Variants in JAG1 observed in about 807,000 individuals in gnomAD.
JAG1 encodes jagged canonical Notch ligand 1.
JAG1 carries 23 observed loss-of-function variants against 148.7 expected under a neutral mutation model. The ratio of observed to expected loss-of-function variants is 0.15; its 90% CI spans 0.11 to 0.22. The LOEUF (loss-of-function observed/expected upper bound fraction) is 0.22. Among genes scored for constraint, JAG1 ranks in the 10% least tolerant of loss-of-function variants. JAG1 has a pLI of 1.00. For synonymous variants in JAG1, 572 were observed against 598.3 expected (o/e 0.96, Z 0.64); for missense variants, 1,054 against 1,611.2 (o/e 0.65, Z 5.92).
At chr20:10,656,347 C>A (rs34742789) in intron 5 of JAG1, 51 bp downstream of exon 5, 1 of 1,438,732 alleles carries the variant, frequency 7.0e-7, no homozygotes, top group African/African-American at 1.4e-5. Context: ...CAGTTCCTCT[C>A]TTACATAAAG....
rs1298575531 is a variant in JAG1 at position 10,638,037 on chromosome 20, C to T, written c.*1461G>A. Reference sequence around the variant, plus strand: ...TCAAAATTTATTGCCAAGAACAACACATCAAAGATGCATTTGTATGTTCAT... The same window carrying T: ...TCAAAATTTATTGCCAAGAACAACATATCAAAGATGCATTTGTATGTTCAT... On this transcript the variant is annotated 3_prime_UTR_variant, in exon 26 of 26. Coordinates refer to ENST00000254958, the MANE Select transcript of JAG1 (RefSeq NM_000214.3). 3 of 152,664 alleles carry T rather than the reference C, an allele frequency of 2.0e-5. No homozygotes were observed. The highest frequency in any genetic ancestry group is 4.8e-5 in the African/African-American group (2 of 41,456). The allele number at this position is 152,664 out of a possible 1,614,324, so 9.5% of individuals were successfully genotyped here.
At chr20:10,649,491 T>C (rs774064917) in intron 10 of JAG1, 31 bp downstream of exon 10, 1 of 1,445,644 alleles carries the variant, frequency 6.9e-7, no homozygotes, top group Middle Eastern at 1.7e-4. Flanking sequence ...CCAAGTTTCA[T>C]GAAAATCAAA....
At chr20:10,664,743 G>A (rs1600192028) in intron 2 of JAG1, among the ~76,000 whole-genome samples, 1 of 152,278 alleles carries the variant, frequency 6.6e-6, no homozygotes, top group South Asian at 2.1e-4. Context: ...GAACTTATCT[G>A]TTAATAAGAT....
intron 2 of JAG1, among the ~76,000 whole-genome samples, chr20:10,666,887 C>G (rs2067457691): frequency 6.6e-6 from 1 of 152,190 alleles, no homozygotes; most frequent in Non-Finnish European, 1.5e-5. Context: ...CAAGGGCCAC[C>G]AGGTTCCCAG....
chr20:10,650,514 T>A, intron 8 of JAG1, 154 bp from the exon 9 acceptor site: 1 of 653,128 alleles, frequency 1.5e-6, no homozygotes. Flanking sequence ...ACGGTGACGA[T>A]AAGGCCGAAG....
Position 10,645,608 on chromosome 20 carries a change from A to G in JAG1, c.2000-139T>C. 1 of 751,630 alleles carries G rather than the reference A, an allele frequency of 1.3e-6. No individual in the cohort carries two copies. The highest frequency in any genetic ancestry group is 2.3e-6 in the Non-Finnish European group (1 of 432,146). 46.6% of individuals were successfully genotyped at this position (751,630 alleles called of 1,614,324 possible). A position where few individuals can be genotyped will look rare whatever the true frequency, so the allele number is the denominator to read the frequency against. On this transcript the variant is annotated intron_variant, in intron 15 of 25. Transcript: ENST00000254958. The surrounding 1 kb of genome is among the most constrained non-coding windows in gnomAD (Gnocchi z 6.1). ...ACAGTCGTAGTACTTTAACACAATC[A>G]GGCTTTTCCAGGAATAAAGGAGCTC... is the stretch of plus-strand genomic sequence containing the variant.
At chr20:10,641,318 AGGCT>A (rs2067269842) in intron 23 of JAG1, 74 bp from the exon 24 acceptor site, 2 of 1,586,444 alleles carry the variant, frequency 1.3e-6, no homozygotes, top group Admixed American at 3.3e-5. Context: ...GTTCTCTTTG[AGGCT>A]GGCTAAGTTC....
intron 2 of JAG1, among the ~76,000 whole-genome samples, chr20:10,665,921 C>T (rs767847129): frequency 1.8e-4 from 27 of 152,172 alleles, no homozygotes; most frequent in Non-Finnish European, 2.9e-5. Flanking sequence ...GGCTCATCCT[C>T]GCCAGAACTG....
chr20:10,673,394 C>T lies in JAG1; in HGVS notation c.81+56G>A, dbSNP rs892327940. On this transcript the variant is annotated intron_variant, in intron 1 of 25. Coordinates refer to ENST00000254958, the MANE Select transcript of JAG1 (RefSeq NM_000214.3). This position sits in a 1 kb window ranked among gnomAD's most constrained non-coding sequence, Gnocchi z 4.7. Reference sequence around the variant, plus strand: ...GCTCGCGGGGCTCAACCGCCCAGGGCGCCGCGAGGGGAGGGAGAGGACGGC... The same window carrying T: ...GCTCGCGGGGCTCAACCGCCCAGGGTGCCGCGAGGGGAGGGAGAGGACGGC... 5.5e-6 allele frequency: 7 copies of T among 1,276,258 alleles called. No homozygotes were observed. In the African/African-American group the frequency reaches 9.5e-5, roughly 17 times the overall value. 79.1% of individuals were successfully genotyped at this position (1,276,258 alleles called of 1,614,324 possible).
At chr20:10,661,159 A>T (rs2067414417) in intron 3 of JAG1, among the ~76,000 whole-genome samples, 1 of 152,200 alleles carries the variant, frequency 6.6e-6, no homozygotes, top group Admixed American at 6.5e-5. Flanking sequence ...CGATGACAGA[A>T]GGACCAGCCT....
intron 13 of JAG1, among the ~76,000 whole-genome samples, 192 bp downstream of exon 13, chr20:10,647,768 C>A (rs149077547): frequency 6.6e-6 from 1 of 152,240 alleles, no homozygotes; most frequent in Non-Finnish European, 1.5e-5. Flanking sequence ...CTTGTAGACA[C>A]GGCTCTCCCA....
chr20:10,668,200 CAAAGT>C (rs1258790627), intron 2 of JAG1, among the ~76,000 whole-genome samples: 3 of 151,550 alleles, frequency 2.0e-5, no homozygotes, highest in East Asian at 3.9e-4. Context: ...TGCCATGCAC[CAAAGT>C]AAAGGTGGGA....
intron 14 of JAG1, among the ~76,000 whole-genome samples, chr20:10,646,693 G>T (rs1205473518): frequency 6.6e-6 from 1 of 152,110 alleles, no homozygotes; most frequent in Non-Finnish European, 1.5e-5. Flanking sequence ...TGGTGCGCAT[G>T]CCTGTAATCC....
intron 5 of JAG1, among the ~76,000 whole-genome samples, chr20:10,653,580 G>A (rs2067360154): frequency 6.8e-6 from 1 of 146,134 alleles, no homozygotes; most frequent in Admixed American, 6.9e-5. Context: ...AGCGTGGAGG[G>A]TGGAGGGTGG....
intron 5 of JAG1, among the ~76,000 whole-genome samples, chr20:10,655,479 C>T (rs1428884510): frequency 7.9e-5 from 12 of 152,176 alleles, no homozygotes; most frequent in Non-Finnish European, 1.5e-4. Flanking sequence ...ATGCAGAAAC[C>T]TGGGCTCAGC....
chr20:10,670,714 C>T (rs575558889), intron 2 of JAG1, among the ~76,000 whole-genome samples: 1 of 152,218 alleles, frequency 6.6e-6, no homozygotes, highest in Non-Finnish European at 1.5e-5. Context: ...GTGATACATG[C>T]GTTTGTCCCA....
chr20:10,647,222 A>G (rs896201820), intron 13 of JAG1, 119 bp from the exon 14 acceptor site: 4 of 1,194,916 alleles, frequency 3.3e-6, no homozygotes, highest in Non-Finnish European at 4.9e-6. Context: ...CTAATGAGAC[A>G]CACCCCAGGG....
Position 10,639,453 on chromosome 20 carries a change from A to G in JAG1, c.*45T>C, listed in dbSNP as rs2067254664. ...GTATGACACGACAGTTTAAAGAACT[A>G]CAAGCCCTCAGACTCTACCTAGCGG... On this transcript the variant is annotated 3_prime_UTR_variant, in exon 26 of 26. Coordinates refer to ENST00000254958, the MANE Select transcript of JAG1 (RefSeq NM_000214.3). 4 of 1,515,230 alleles carry G rather than the reference A, an allele frequency of 2.6e-6. No homozygotes were observed. Among genetic ancestry groups the G allele is most frequent in the Non-Finnish European group, 2.8e-6 (3 of 1,089,746 alleles). The allele number at this position is 1,515,230 out of a possible 1,614,324, so 93.9% of individuals were successfully genotyped here.
intron 20 of JAG1, among the ~76,000 whole-genome samples, chr20:10,643,009 G>A (rs1297054292): frequency 1.3e-5 from 2 of 152,258 alleles, no homozygotes; most frequent in Non-Finnish European, 2.9e-5. Context: ...AAATGAATGT[G>A]TGGCTGTGTG....
Sources: allele counts gnomAD v4.1 joint callset (sites outside exome capture counted in the v4.1 genomes callset), GRCh38; gene constraint gnomAD v4.1.1; non-coding constraint Gnocchi (gnomAD v3.1); transcripts MANE v1.5; gene names NCBI Gene and HGNC (gene_info 2026-07-23, HGNC 2026-07-21).